MCTP2: variants seen among roughly 807,000 people sequenced by gnomAD.
The protein encoded by MCTP2 is multiple C2 and transmembrane domain containing 2.
Under a neutral mutation model 111.6 loss-of-function variants are expected in MCTP2, and 132 were observed. The ratio of observed to expected loss-of-function variants is 1.18; its 90% CI spans 1.03 to 1.37. The LOEUF (loss-of-function observed/expected upper bound fraction) is 1.37, where lower values mean the gene tolerates loss of function less well. MCTP2 is among the 40% of genes most tolerant of loss of function. The pLI is 0.00. For synonymous variants in MCTP2, 395 were observed against 387.7 expected (o/e 1.02, Z -0.22); for missense variants, 1,183 against 1,067.9 (o/e 1.11, Z -1.50).
chr15:94,279,611 C>T (rs988914506), intron 1 of MCTP2, among the ~76,000 whole-genome samples: 1 of 151,982 alleles, frequency 6.6e-6, no homozygotes, highest in African/African-American at 2.4e-5. Context: ...TTATTTCTTT[C>T]TCTTGCTTTA....
intron 12 of MCTP2, among the ~76,000 whole-genome samples, chr15:94,371,969 A>G (rs2152439910): frequency 6.6e-6 from 1 of 152,316 alleles, no homozygotes; most frequent in Non-Finnish European, 1.5e-5. Flanking sequence ...ATCATCTCCA[A>G]AGAGTATTTT....
At chr15:94,378,868 C>T (rs946997113) in intron 12 of MCTP2, among the ~76,000 whole-genome samples, 1 of 152,150 alleles carries the variant, frequency 6.6e-6, no homozygotes, top group African/African-American at 2.4e-5. Flanking sequence ...TAAAGGCCCC[C>T]TCAGCTCCTA....
intron 1 of MCTP2, among the ~76,000 whole-genome samples, chr15:94,275,170 TTTATC>T (rs2152304518): frequency 6.6e-6 from 1 of 152,332 alleles, no homozygotes; most frequent in Admixed American, 6.5e-5. Context: ...TTGATGAGTA[TTTATC>T]TTAGAAAGTC....
At chr15:94,458,426 G>A (rs538245109) in intron 20 of MCTP2, among the ~76,000 whole-genome samples, 180 bp downstream of exon 20, 107 of 152,258 alleles carry the variant, frequency 7.0e-4, no homozygotes, top group African/African-American at 2.5e-3. Flanking sequence ...GTTGGGTGGT[G>A]CCTCAGAACT....
chr15:94,275,307 A>G lies in MCTP2; in HGVS notation c.-65-22894A>G, dbSNP rs78560902. On this transcript the variant is annotated intron_variant, in intron 1 of 22. Transcript: ENST00000357742. ...TAAACAAGTCATAAGGATTAGGAAA[A>G]AATATAAAACTAGTATTAGTCACAG... Among the ~76,000 whole-genome samples the G allele has an allele frequency of 4.6e-3, 699 of 152,288 alleles. 4 individuals carry two copies. The highest frequency in any genetic ancestry group is 0.016 in the African/African-American group (655 of 41,578).
At chr15:94,395,626 G>A (rs1192093758) in intron 14 of MCTP2, among the ~76,000 whole-genome samples, 2 of 152,076 alleles carry the variant, frequency 1.3e-5, no homozygotes, top group South Asian at 4.1e-4. Flanking sequence ...TATAATGAGT[G>A]TACCATTTAT....
chr15:94,242,064 T>C (rs1372574048), intron 1 of MCTP2, among the ~76,000 whole-genome samples: 1 of 152,150 alleles, frequency 6.6e-6, no homozygotes, highest in South Asian at 2.1e-4. Context: ...AGAGTTCCTG[T>C]AGGCCACTTC....
chr15:94,342,322 A>G (rs2077687721), intron 7 of MCTP2: 1 of 152,168 alleles, frequency 6.6e-6, no homozygotes, highest in Admixed American at 6.6e-5. Flanking sequence ...TTCAAATTGC[A>G]GAACAGTTAA....
intron 3 of MCTP2, chr15:94,314,586 T>A (rs911530919): frequency 3.6e-6 from 2 of 555,928 alleles, no homozygotes; most frequent in Non-Finnish European, 6.4e-6. Context: ...TTGAGTGAGA[T>A]AGTAAGGCAG....
At position 94,401,995 on chromosome 15, in the gene MCTP2, A is replaced by G. The variant is rs2081617596; in HGVS notation, c.2061A>G (p.Thr687=). The G allele has an allele frequency of 6.2e-7, 1 of 1,613,532 alleles. No individual in the cohort carries two copies. ...AAAGCTGCTTCCAGTGGGAATCCAC[A>G]TTAAGAAGTACAATAGCATTCGCGG... The part of the protein sequence containing the change: ...FLKSCFQWES[T]LRSTIAFAVF... The change falls in exon 17 of 23, where the codon ACA becomes ACG. Residue 687 remains threonine, a synonymous_variant. Coordinates refer to ENST00000357742, the MANE Select transcript of MCTP2 (RefSeq NM_001385001.1).
chr15:94,418,283 G>A (rs983349833), intron 17 of MCTP2, among the ~76,000 whole-genome samples: 1 of 152,168 alleles, frequency 6.6e-6, no homozygotes, highest in Non-Finnish European at 1.5e-5. Flanking sequence ...CAAAAATTAC[G>A]CTTCTGAAAT....
At chr15:94,315,104 A>C (rs910739813) in intron 3 of MCTP2, among the ~76,000 whole-genome samples, 9 of 152,160 alleles carry the variant, frequency 5.9e-5, no homozygotes, top group African/African-American at 2.2e-4. Context: ...GGTGGAGAAC[A>C]GGACGGGGCA....
intron 1 of MCTP2, among the ~76,000 whole-genome samples, chr15:94,243,123 G>T (rs1209351256): frequency 6.9e-6 from 1 of 144,964 alleles, no homozygotes; most frequent in Admixed American, 6.8e-5. Flanking sequence ...GTGTATATAT[G>T]TATCTACGGG....
At chr15:94,417,451 G>A (rs2082425225) in intron 17 of MCTP2, among the ~76,000 whole-genome samples, 1 of 152,072 alleles carries the variant, frequency 6.6e-6, no homozygotes, top group African/African-American at 2.4e-5. Flanking sequence ...TGTAGTTGCT[G>A]GGTTTTGATT....
At chr15:94,292,431 G>A (rs920661431) in intron 1 of MCTP2, among the ~76,000 whole-genome samples, 2 of 152,114 alleles carry the variant, frequency 1.3e-5, no homozygotes, top group African/African-American at 2.4e-5. Flanking sequence ...GGAAGTTACA[G>A]GATACAAAGC....
chr15:94,315,760 C>G (rs1001653848), intron 4 of MCTP2, 123 bp downstream of exon 4: 53 of 666,050 alleles, frequency 8.0e-5, no homozygotes, highest in Admixed American at 5.1e-5. Context: ...TGGCTCAAAT[C>G]TAAGTCTCTC....
At chr15:94,237,539 C>A (rs926049532) in intron 1 of MCTP2, among the ~76,000 whole-genome samples, 1 of 151,966 alleles carries the variant, frequency 6.6e-6, no homozygotes, top group African/African-American at 2.4e-5. Context: ...TTCATTTAAC[C>A]CTGTATATCA....
intron 20 of MCTP2, among the ~76,000 whole-genome samples, chr15:94,466,867 A>G (rs1215849840): frequency 6.6e-6 from 1 of 152,056 alleles, no homozygotes; most frequent in Non-Finnish European, 1.5e-5. Context: ...GTGGAATGGT[A>G]TTGCTAGAAA....
At chr15:94,341,046 C>A (rs1218212376) in intron 7 of MCTP2, 122 bp downstream of exon 7, 1 of 680,076 alleles carries the variant, frequency 1.5e-6, no homozygotes, top group South Asian at 1.7e-5. Flanking sequence ...AGGGGGGGTG[C>A]AACATTTTAT....
Sources: gnomAD v4.1 joint callset for allele counts (sites outside exome capture counted in the v4.1 genomes callset) on GRCh38, gnomAD v4.1.1 for gene constraint, MANE v1.5 for transcripts, NCBI Gene and HGNC (gene_info 2026-07-23, HGNC 2026-07-21) for gene names.